Variants in MBP observed in about 807,000 individuals in gnomAD.
MBP encodes the protein myelin basic protein.
MBP carries 16 observed loss-of-function variants against 35.8 expected under a neutral mutation model. The ratio of observed to expected loss-of-function variants is 0.45; its 90% CI spans 0.30 to 0.68. MBP has a LOEUF of 0.68. Among genes scored for constraint, MBP ranks in the 30% least tolerant of loss-of-function variants. MBP has a pLI of 0.08. For missense variants in MBP, 380 were observed against 404.7 expected (o/e 0.94, Z 0.52); for synonymous variants, 143 against 159.6 (o/e 0.90, Z 0.78).
intron 2 of MBP, chr18:77,067,803 T>C (rs750617298): frequency 2.7e-5 from 14 of 510,202 alleles, no homozygotes; most frequent in Non-Finnish European, 2.4e-5. Flanking sequence ...AATATGTACA[T>C]AGTCTCAATT....
At chr18:77,124,126 C>G (rs2145234700) in intron 1 of MBP, among the ~76,000 whole-genome samples, 1 of 152,318 alleles carries the variant, frequency 6.6e-6, no homozygotes, top group East Asian at 1.9e-4. Context: ...GGCCGCAACA[C>G]CAGCAGTCCC....
rs573407910 is a variant in MBP at position 77,016,543 on chromosome 18, C to G, written c.576+289G>C. On this transcript the variant is annotated intron_variant, in intron 4 of 8. Transcript: ENST00000355994. Reference sequence around the variant, plus strand: ...AATGTGGCTCTCTTTCTGCAACGCCCATGTCCAGGCACCCTTAGAGATCCA... The same window carrying G: ...AATGTGGCTCTCTTTCTGCAACGCCGATGTCCAGGCACCCTTAGAGATCCA... 7 of 1,278,364 alleles carry G rather than the reference C, an allele frequency of 5.5e-6. No homozygotes were observed. The East Asian group carries it at 2.0e-4, about 36-fold the overall frequency. The allele number at this position is 1,278,364 out of a possible 1,614,324, so 79.2% of individuals were successfully genotyped here. A position where few individuals can be genotyped will look rare whatever the true frequency, so the allele number is the denominator to read the frequency against.
chr18:76,999,706 C>T (rs1375444651), intron 4 of MBP, among the ~76,000 whole-genome samples: 1 of 152,168 alleles, frequency 6.6e-6, no homozygotes, highest in Non-Finnish European at 1.5e-5. Flanking sequence ...ACCTTGGCCT[C>T]CCAAAGTGCT....
intron 2 of MBP, among the ~76,000 whole-genome samples, chr18:77,092,492 G>T (rs547591958): frequency 1.3e-5 from 2 of 152,308 alleles, no homozygotes; most frequent in South Asian, 2.1e-4. Flanking sequence ...CCCCAGACTC[G>T]AGAATTCGTC....
chr18:76,983,704 C>T (rs140711462), intron 8 of MBP: 1 of 152,270 alleles, frequency 6.6e-6, no homozygotes, highest in Non-Finnish European at 1.5e-5. Context: ...GGGGCTGTGC[C>T]CTGAATTGCC....
Position 76,988,462 on chromosome 18 carries a change from G to T in MBP, c.750+33C>A. ...CGGGGCTGTGAGGACTGGGACGGAA[G>T]AGGAAGCCGATGGAAGTGCGTTCGT... On this transcript the variant is annotated intron_variant, in intron 7 of 8. Transcript: ENST00000355994. This position sits in a 1 kb window ranked among gnomAD's most constrained non-coding sequence, Gnocchi z 5.2. 6.2e-7 allele frequency: 1 copy of T among 1,614,228 alleles called. No individual in the cohort carries two copies. Among genetic ancestry groups the T allele is most frequent in the Non-Finnish European group, 8.5e-7 (1 of 1,180,038 alleles).
At position 77,036,956 on chromosome 18, in the gene MBP, A is replaced by AG. The variant is rs1354218301; in HGVS notation, c.140-19689dup. ...TGAGCAAGTGCTGGTCACATTTTGG[A>AG]GACTGAGCTGAGCAAGTGCTGGTCA... On this transcript the variant is annotated intron_variant, in intron 3 of 8. Coordinates refer to ENST00000355994, the MANE Select transcript of MBP (RefSeq NM_001025101.2). 4.4e-3 allele frequency among the ~76,000 whole-genome samples: 112 copies of AG among 25,314 alleles called. 25 individuals carry two copies. Among genetic ancestry groups the AG allele is most frequent in the Non-Finnish European group, 5.0e-3 (66 of 13,288 alleles). The allele number at this position is 25,314 out of a possible 152,430, so 16.6% of individuals were successfully genotyped here.
At chr18:77,052,044 A>C (rs578256914) in intron 3 of MBP, among the ~76,000 whole-genome samples, 1 of 152,174 alleles carries the variant, frequency 6.6e-6, no homozygotes, top group African/African-American at 2.4e-5. Flanking sequence ...GCACTGGAAG[A>C]GGATGAGGAG....
At chr18:77,013,442 C>T (rs1971458030) in intron 4 of MBP, 1 of 985,052 alleles carries the variant, frequency 1.0e-6, no homozygotes, top group Non-Finnish European at 1.2e-6. Context: ...CTCATGGTAA[C>T]AATGAGGAAT....
At chr18:77,002,618 C>A (rs776808707) in intron 4 of MBP, among the ~76,000 whole-genome samples, 4 of 152,248 alleles carry the variant, frequency 2.6e-5, no homozygotes, top group Non-Finnish European at 4.4e-5. Flanking sequence ...ACTGCTCCCA[C>A]GTCACCACTC....
chr18:77,043,011 T>C (rs1329338810), intron 3 of MBP, among the ~76,000 whole-genome samples: 2 of 152,224 alleles, frequency 1.3e-5, no homozygotes, highest in African/African-American at 4.8e-5. Context: ...TTCAACCTCT[T>C]TGGTGCTGAG....
chr18:77,049,661 T>C (rs985439784), intron 3 of MBP, among the ~76,000 whole-genome samples: 3 of 151,524 alleles, frequency 2.0e-5, no homozygotes, highest in Admixed American at 6.6e-5. Context: ...TATGGATAAC[T>C]ATTTTATTTT....
At chr18:77,112,108 C>G (rs530749802) in intron 1 of MBP, among the ~76,000 whole-genome samples, 39 of 151,954 alleles carry the variant, frequency 2.6e-4, no homozygotes, top group African/African-American at 8.7e-4. Context: ...ACTCTGTGTT[C>G]GGAGCATAGT....
chr18:77,031,221 A>G (rs1025072373), intron 3 of MBP, among the ~76,000 whole-genome samples: 19 of 152,190 alleles, frequency 1.2e-4, no homozygotes, highest in African/African-American at 4.6e-4. Context: ...TTAATTCTCA[A>G]TTTGCTTCTA....
intron 3 of MBP, among the ~76,000 whole-genome samples, chr18:77,048,156 C>T (rs1318985051): frequency 6.6e-6 from 1 of 152,196 alleles, no homozygotes; most frequent in Non-Finnish European, 1.5e-5. Flanking sequence ...ACACACAGCA[C>T]CCCAGCAGGA....
intron 1 of MBP, among the ~76,000 whole-genome samples, chr18:77,105,667 T>A (rs1976250996): frequency 6.6e-6 from 1 of 152,218 alleles, no homozygotes; most frequent in South Asian, 2.1e-4. Flanking sequence ...GGTGCATTGT[T>A]ATGAGATGAG....
chr18:77,005,482 C>G (rs890730369), intron 4 of MBP: 1 of 152,224 alleles, frequency 6.6e-6, no homozygotes, highest in Admixed American at 6.5e-5. Context: ...GCAAGAGGGA[C>G]TCCTCTCCCA....
chr18:77,053,076 G>T (rs1247026504), intron 3 of MBP, among the ~76,000 whole-genome samples: 1 of 152,226 alleles, frequency 6.6e-6, no homozygotes, highest in Non-Finnish European at 1.5e-5. Flanking sequence ...AACCAATGCC[G>T]TGTCCCCGTG....
chr18:77,041,849 A>G (rs1397768733), intron 3 of MBP, among the ~76,000 whole-genome samples: 1 of 151,754 alleles, frequency 6.6e-6, no homozygotes, highest in Non-Finnish European at 1.5e-5. Context: ...TACTGGGTGC[A>G]GCACACCAAC....
Sources: allele counts gnomAD v4.1 joint callset (sites outside exome capture counted in the v4.1 genomes callset), GRCh38; gene constraint gnomAD v4.1.1; non-coding constraint Gnocchi (gnomAD v3.1); transcripts MANE v1.5; gene names NCBI Gene and HGNC (gene_info 2026-07-23, HGNC 2026-07-21).